UBL3: variants seen among roughly 807,000 people sequenced by gnomAD.
UBL3 encodes the protein ubiquitin like 3.
In UBL3, 6 loss-of-function variants were observed where a neutral mutation model predicts 18.4. The ratio of observed to expected loss-of-function variants is 0.33; its 90% CI spans 0.18 to 0.64. The LOEUF (loss-of-function observed/expected upper bound fraction) is 0.64. Among genes scored for constraint, UBL3 ranks in the 30% least tolerant of loss-of-function variants. UBL3 has a pLI of 0.76. For missense variants in UBL3, 109 were observed against 142.9 expected (o/e 0.76, Z 1.21); for synonymous variants, 49 against 46.6 (o/e 1.05, Z -0.21).
intron 1 of UBL3, among the ~76,000 whole-genome samples, chr13:29,799,403 A>G (rs560029831): frequency 6.6e-6 from 1 of 152,378 alleles, no homozygotes; most frequent in Non-Finnish European, 1.5e-5. Context: ...AACTTCACAC[A>G]TTTTAAACTA....
intron 1 of UBL3, among the ~76,000 whole-genome samples, chr13:29,803,148 G>C (rs1593662010): frequency 6.6e-6 from 1 of 152,092 alleles, no homozygotes; most frequent in Admixed American, 6.5e-5. Context: ...TTCAAATCCA[G>C]CCAAACTAAG....
intron 1 of UBL3, among the ~76,000 whole-genome samples, chr13:29,793,328 CATT>C (rs1340766718): frequency 6.6e-6 from 1 of 152,158 alleles, no homozygotes; most frequent in Non-Finnish European, 1.5e-5. Context: ...CAGAATGCAT[CATT>C]GTTAGAGACA....
chr13:29,812,591 C>A (rs1878122108), intron 1 of UBL3, among the ~76,000 whole-genome samples: 1 of 152,006 alleles, frequency 6.6e-6, no homozygotes, highest in Non-Finnish European at 1.5e-5. Context: ...ACAGTAGCTA[C>A]TGGCCATATA....
intron 1 of UBL3, among the ~76,000 whole-genome samples, chr13:29,783,067 A>C (rs1202460774): frequency 6.6e-6 from 1 of 152,244 alleles, no homozygotes; most frequent in Non-Finnish European, 1.5e-5. Flanking sequence ...AGGCTTCAGC[A>C]TTCTGGCATT....
intron 1 of UBL3, among the ~76,000 whole-genome samples, chr13:29,837,237 C>T (rs936134288): frequency 1.3e-5 from 2 of 152,022 alleles, no homozygotes; most frequent in African/African-American, 2.4e-5. Flanking sequence ...AACAAAACAA[C>T]AGAAACAGGC....
intron 1 of UBL3, among the ~76,000 whole-genome samples, chr13:29,788,462 G>A (rs761613224): frequency 3.3e-5 from 5 of 152,166 alleles, no homozygotes; most frequent in Non-Finnish European, 4.4e-5. Context: ...CTGAGAGGCT[G>A]GCTAGAACCT....
In UBL3 at chr13:29,791,789, ACCT is replaced by A. The variant is rs141373603; in HGVS notation, c.28-14529_28-14527del. ...TATGCCCCCTTTCACTCTCAAAAGT[ACCT>A]CAATTTAGACAATAAATTATAAGGT... On this transcript the variant is annotated intron_variant, in intron 1 of 4. Transcript: ENST00000380680. Among the ~76,000 whole-genome samples, 139 of 152,306 alleles carry A rather than the reference ACCT, an allele frequency of 9.1e-4. 1 individual carries two copies. The highest frequency in any genetic ancestry group is 3.3e-3 in the African/African-American group (137 of 41,568).
chr13:29,779,640 A>T (rs1419955329), intron 1 of UBL3, among the ~76,000 whole-genome samples: 2 of 152,232 alleles, frequency 1.3e-5, no homozygotes, highest in Non-Finnish European at 2.9e-5. Context: ...GTATATCCTT[A>T]CCATGGAAAT....
In UBL3 at chr13:29,830,884, T is replaced by C. The variant is rs1050861809; in HGVS notation, c.27+18628A>G. Among the ~76,000 whole-genome samples, 5 of 152,328 alleles carry C rather than the reference T, an allele frequency of 3.3e-5. No homozygotes were observed. The Middle Eastern group carries it at 0.01, about 311-fold the overall frequency. ...TATATTAAAAACACTCTTGACCACA[T>C]TGAAATACTTGATAATATATTGAGA... On this transcript the variant is annotated intron_variant, in intron 1 of 4. Transcript: ENST00000380680.
chr13:29,835,157 T>TCC (rs1878923241), intron 1 of UBL3, among the ~76,000 whole-genome samples: 1 of 54,336 alleles, frequency 1.8e-5, no homozygotes, highest in African/African-American at 1.1e-4. Flanking sequence ...TATATATATA[T>TCC]ATATATATAT....
chr13:29,842,218 T>C (rs184664576), intron 1 of UBL3, among the ~76,000 whole-genome samples: 49 of 146,316 alleles, frequency 3.3e-4, no homozygotes, highest in Non-Finnish European at 6.5e-4. Context: ...CTCAGCTCAC[T>C]GCAACCTCTG....
At chr13:29,833,845 G>C (rs1194447343) in intron 1 of UBL3, among the ~76,000 whole-genome samples, 1 of 152,064 alleles carries the variant, frequency 6.6e-6, no homozygotes, top group Non-Finnish European at 1.5e-5. Flanking sequence ...CTATACACCA[G>C]CACCTAAAAA....
chr13:29,822,271 G>A (rs35541102), intron 1 of UBL3, among the ~76,000 whole-genome samples: 43,006 of 152,094 alleles, frequency 0.28, 6,156 homozygotes, highest in East Asian at 0.42. Flanking sequence ...TCTTTTCAAA[G>A]GTGTTGTATA....
At chr13:29,821,691 T>C (rs1309895401) in intron 1 of UBL3, among the ~76,000 whole-genome samples, 2 of 152,300 alleles carry the variant, frequency 1.3e-5, no homozygotes, top group Admixed American at 6.5e-5. Context: ...TTTTAGCCAA[T>C]AAAAATCTTT....
chr13:29,834,577 C>T (rs1878870773), intron 1 of UBL3, among the ~76,000 whole-genome samples: 1 of 152,068 alleles, frequency 6.6e-6, no homozygotes, highest in African/African-American at 2.4e-5. Context: ...AATTTATTTT[C>T]TGACATTTTG....
intron 3 of UBL3, among the ~76,000 whole-genome samples, chr13:29,770,306 G>A (rs1047854506): frequency 1.1e-4 from 16 of 151,962 alleles, no homozygotes; most frequent in African/African-American, 3.4e-4. Context: ...TTATTAACGC[G>A]GAGGTCCAGG....
chr13:29,772,366 G>A (rs371741013), intron 2 of UBL3, among the ~76,000 whole-genome samples, 168 bp from the exon 3 acceptor site: 1 of 151,936 alleles, frequency 6.6e-6, no homozygotes, highest in Non-Finnish European at 1.5e-5. Flanking sequence ...CGCAACCTTG[G>A]TTATTACTTA....
chr13:29,828,064 G>T (rs1878671509), intron 1 of UBL3, among the ~76,000 whole-genome samples: 3 of 152,214 alleles, frequency 2.0e-5, no homozygotes, highest in African/African-American at 7.2e-5. Flanking sequence ...TAGTCTGATG[G>T]GCTTCCCTTT....
At chr13:29,788,870 T>TGTGTGTGTGTGCGC (rs1180662351) in intron 1 of UBL3, among the ~76,000 whole-genome samples, 1 of 20,882 alleles carries the variant, frequency 4.8e-5, no homozygotes, top group Admixed American at 4.3e-4. Flanking sequence ...TGTGTGTGTG[T>TGTGTGTGTGTGCGC]GCGCGCGCGC....
Sources: gnomAD v4.1 joint callset for allele counts (sites outside exome capture counted in the v4.1 genomes callset) on GRCh38, gnomAD v4.1.1 for gene constraint, MANE v1.5 for transcripts, NCBI Gene and HGNC (gene_info 2026-07-23, HGNC 2026-07-21) for gene names.